KAZN: variants seen among roughly 807,000 people sequenced by gnomAD.
The protein encoded by KAZN is kazrin, periplakin interacting protein, also known as kazrin.
In KAZN, 40 loss-of-function variants were observed where a neutral mutation model predicts 87.4. The ratio of observed to expected loss-of-function variants is 0.46; its 90% confidence interval spans 0.36 to 0.60. KAZN has a LOEUF of 0.60. KAZN is among the 20% of genes least tolerant of loss of function. The pLI, the probability that KAZN is intolerant of heterozygous loss-of-function variation, is 0.00. For synonymous variants in KAZN, 466 were observed against 458.3 expected (o/e 1.02, Z -0.22); for missense variants, 898 against 1,073.9 (o/e 0.84, Z 2.29).
intron 1 of KAZN, among the ~76,000 whole-genome samples, chr1:14,109,682 A>G (rs879914297): frequency 2.6e-5 from 4 of 152,176 alleles, no homozygotes; most frequent in Non-Finnish European, 5.9e-5. Flanking sequence ...TGCACGGCCC[A>G]GCGTGAACCT....
At chr1:13,904,446 C>T (rs930837203) in intron 1 of KAZN, among the ~76,000 whole-genome samples, 2 of 152,146 alleles carry the variant, frequency 1.3e-5, no homozygotes, top group African/African-American at 2.4e-5. Flanking sequence ...GACCAATCTG[C>T]ACTGGAGGCC....
chr1:14,165,645 C>A (rs528713288), intron 1 of KAZN, among the ~76,000 whole-genome samples: 1 of 152,314 alleles, frequency 6.6e-6, no homozygotes, highest in South Asian at 2.1e-4. Context: ...TCCTTAGATG[C>A]TTTCTGAGAA....
At chr1:14,980,952 G>A (rs1231677285) in intron 2 of KAZN, among the ~76,000 whole-genome samples, 4 of 152,252 alleles carry the variant, frequency 2.6e-5, no homozygotes, top group East Asian at 1.9e-4. Flanking sequence ...AGCATGTGAC[G>A]CCCTGACAAG....
chr1:15,060,550 C>T (rs892625214), intron 6 of KAZN: 12 of 520,726 alleles, frequency 2.3e-5, no homozygotes, highest in South Asian at 1.7e-4. Flanking sequence ...GGGCCTGGGT[C>T]GGCCGCAGGC....
chr1:14,991,509 T>C (rs1397990788), intron 2 of KAZN, among the ~76,000 whole-genome samples: 1 of 152,166 alleles, frequency 6.6e-6, no homozygotes, highest in Non-Finnish European at 1.5e-5. Flanking sequence ...GTGTCCTTCC[T>C]AGGAGCCCGA....
intron 1 of KAZN, among the ~76,000 whole-genome samples, chr1:14,798,460 C>T (rs1186289307): frequency 5.2e-4 from 56 of 107,060 alleles, no homozygotes; most frequent in Admixed American, 6.1e-4. Flanking sequence ...CAGAGTCTTG[C>T]TCTGTCACCC....
chr1:14,525,329 C>T (rs1671805420), intron 2 of KAZN, among the ~76,000 whole-genome samples: 1 of 152,118 alleles, frequency 6.6e-6, no homozygotes, highest in Non-Finnish European at 1.5e-5. Flanking sequence ...TCATGTAGAA[C>T]ATAAATTACC....
intron 2 of KAZN, among the ~76,000 whole-genome samples, chr1:14,567,575 A>T (rs1674619493): frequency 6.6e-6 from 1 of 152,352 alleles, no homozygotes; most frequent in South Asian, 2.1e-4. Flanking sequence ...AAATGCAATA[A>T]AGTGAAGTAA....
At chr1:15,060,671 G>A (rs1214021294) in intron 6 of KAZN, 1 of 240,774 alleles carries the variant, frequency 4.2e-6, no homozygotes, top group Non-Finnish European at 8.2e-6. Context: ...TTTCCCTTTA[G>A]AGCCAGCTCT....
Position 14,047,445 on chromosome 1 carries a change from C to T in KAZN, c.92-132990C>T, listed in dbSNP as rs550985085. On this transcript the variant is annotated intron_variant, in intron 1 of 16. Coordinates refer to the KAZN transcript ENST00000636203. ...CCCCTGGAAGTTTCCACAGGCTGCT[C>T]GAACAGCACTTCAAAAGGGAACTTA... Among the ~76,000 whole-genome samples, 179 of 152,310 alleles carry T rather than the reference C, an allele frequency of 1.2e-3. 1 individual carries two copies. The highest frequency in any genetic ancestry group is 3.9e-3 in the African/African-American group (164 of 41,558).
chr1:14,251,014 T>C (rs1335454319), intron 2 of KAZN, among the ~76,000 whole-genome samples: 1 of 152,074 alleles, frequency 6.6e-6, no homozygotes, highest in Non-Finnish European at 1.5e-5. Flanking sequence ...AAAAAACATG[T>C]TTCCCCTTCC....
intron 8 of KAZN, among the ~76,000 whole-genome samples, chr1:15,090,778 C>T (rs747924036): frequency 3.5e-4 from 53 of 152,346 alleles, no homozygotes; most frequent in African/African-American, 1.2e-3. Context: ...CACTCACCCC[C>T]GCTGAGTCCT....
At chr1:14,734,359 G>T (rs1231442397) in intron 1 of KAZN, among the ~76,000 whole-genome samples, 1 of 145,866 alleles carries the variant, frequency 6.9e-6, no homozygotes, top group Non-Finnish European at 1.5e-5. Context: ...GCCCAGGAGT[G>T]CAATGGCACC....
chr1:13,893,780 G>A, intron 1 of KAZN: 1 of 1,549,692 alleles, frequency 6.5e-7, no homozygotes, highest in Non-Finnish European at 8.7e-7. Flanking sequence ...CGTGTGTCAT[G>A]TGCCCAGAGA....
intron 1 of KAZN, among the ~76,000 whole-genome samples, chr1:13,908,102 T>C (rs1344049265): frequency 2.0e-5 from 3 of 152,218 alleles, no homozygotes; most frequent in Non-Finnish European, 2.9e-5. Context: ...CCAGCCACAT[T>C]GTGGCAGTCC....
At chr1:14,407,994 A>T (rs1664004308) in intron 2 of KAZN, among the ~76,000 whole-genome samples, 2 of 152,206 alleles carry the variant, frequency 1.3e-5, no homozygotes, top group South Asian at 4.1e-4. Flanking sequence ...TATCACATCC[A>T]TGGGGAACTG....
chr1:14,970,501 T>G (rs557603248), intron 2 of KAZN, among the ~76,000 whole-genome samples: 1 of 152,346 alleles, frequency 6.6e-6, no homozygotes, highest in South Asian at 2.1e-4. Flanking sequence ...CCCTTTGCTT[T>G]TTATGCAGTA....
chr1:14,354,551 A>G (rs1658831945), intron 2 of KAZN, among the ~76,000 whole-genome samples: 1 of 152,170 alleles, frequency 6.6e-6, no homozygotes, highest in African/African-American at 2.4e-5. Context: ...AAAGAAGAAC[A>G]TAATAAGGTG....
chr1:14,433,253 C>A (rs1484291788), intron 2 of KAZN, among the ~76,000 whole-genome samples: 1 of 152,126 alleles, frequency 6.6e-6, no homozygotes, highest in African/African-American at 2.4e-5. Context: ...CAGCCAGCAC[C>A]CACCCCCCAC....
Sources: allele counts gnomAD v4.1 joint callset (sites outside exome capture counted in the v4.1 genomes callset), GRCh38; gene constraint gnomAD v4.1.1; transcripts MANE v1.5; gene names NCBI Gene and HGNC (gene_info 2026-07-23, HGNC 2026-07-21).